ZNHIT6: variants seen among roughly 807,000 people sequenced by gnomAD.
The protein encoded by ZNHIT6 is zinc finger HIT-type containing 6.
In ZNHIT6, 45 loss-of-function variants were observed where a neutral mutation model predicts 57.2. The observed-to-expected ratio is 0.79, with a 90% CI of 0.62 to 1.01. ZNHIT6 has a LOEUF of 1.01. Among genes scored for constraint, ZNHIT6 ranks in the 50% least tolerant of loss-of-function variants. The pLI is 0.00. For synonymous variants in ZNHIT6, 188 were observed against 190.0 expected, an observed-to-expected ratio of 0.99 and a Z score of 0.09; for missense variants, 528 against 567.3, an observed-to-expected ratio of 0.93 and a Z score of 0.70.
chr1:85,657,592 TA>T (rs1022877696), intron 9 of ZNHIT6, among the ~76,000 whole-genome samples: 2 of 151,706 alleles, frequency 1.3e-5, no homozygotes, highest in East Asian at 1.9e-4. Flanking sequence ...AACCCCATGC[TA>T]AAAAAAAGTC....
At chr1:85,680,772 G>T in intron 6 of ZNHIT6, 64 bp downstream of exon 6, 2 of 1,279,002 alleles carry the variant, frequency 1.6e-6, no homozygotes, top group Non-Finnish European at 2.2e-6. Context: ...TAAGTTAACA[G>T]TTTATTTTAA....
At chr1:85,667,425 G>C (rs1661398136) in intron 8 of ZNHIT6, among the ~76,000 whole-genome samples, 1 of 151,994 alleles carries the variant, frequency 6.6e-6, no homozygotes, top group Non-Finnish European at 1.5e-5. Flanking sequence ...ACATTGTTTT[G>C]CTTAAACATA....
At chr1:85,676,866 T>A (rs746091091) in intron 8 of ZNHIT6, among the ~76,000 whole-genome samples, 1 of 151,956 alleles carries the variant, frequency 6.6e-6, no homozygotes, top group African/African-American at 2.4e-5. Flanking sequence ...ACTGAACATG[T>A]GCTGTTGGAA....
At chr1:85,655,962 C>T (rs1661047771) in intron 9 of ZNHIT6, among the ~76,000 whole-genome samples, 1 of 152,070 alleles carries the variant, frequency 6.6e-6, no homozygotes, top group Non-Finnish European at 1.5e-5. Flanking sequence ...ACACATGTAC[C>T]CCCAAATTAG....
chr1:85,669,860 C>T (rs1342180631), intron 8 of ZNHIT6, among the ~76,000 whole-genome samples: 1 of 152,088 alleles, frequency 6.6e-6, no homozygotes, highest in East Asian at 1.9e-4. Context: ...GAGGGCTAGT[C>T]TTGTAGATGT....
chr1:85,693,966 G>T (rs1409360806), intron 5 of ZNHIT6, among the ~76,000 whole-genome samples: 1 of 152,020 alleles, frequency 6.6e-6, no homozygotes, highest in East Asian at 1.9e-4. Context: ...TTTTTAAAAA[G>T]TAAAAAACAG....
rs1371942392 is a variant in ZNHIT6, at chr1:85,687,306, AAAAAAC to A, written c.1020-6408_1020-6403del. On this transcript the variant is annotated intron_variant, in intron 5 of 9. Coordinates refer to ENST00000370574, the MANE Select transcript of ZNHIT6 (RefSeq NM_017953.4). ...CAAAAAACAAAAAAAAAACAAAAAAAAAAAACAATTTAGAACCCAGTACTCAAAAAT... is the reference window on the plus strand; with the variant it reads ...CAAAAAACAAAAAAAAAACAAAAAAAAATTTAGAACCCAGTACTCAAAAAT... Among the ~76,000 whole-genome samples, 69 of 144,494 alleles carry A rather than the reference AAAAAAC, an allele frequency of 4.8e-4. 9 individuals carry two copies. Among genetic ancestry groups the A allele is most frequent in the Middle Eastern group, 3.6e-3 (1 of 280 alleles). The allele number at this position is 144,494 out of a possible 152,430, so 94.8% of individuals were successfully genotyped here. A position where few individuals can be genotyped will look rare whatever the true frequency, so the allele number is the denominator to read the frequency against.
intron 5 of ZNHIT6, among the ~76,000 whole-genome samples, chr1:85,682,233 C>T (rs1208739838): frequency 2.0e-5 from 3 of 150,096 alleles, no homozygotes; most frequent in Non-Finnish European, 4.4e-5. Flanking sequence ...ACTACGTTCG[C>T]CAGGATGGTC....
chr1:85,696,330 C>G (rs1036242197), intron 5 of ZNHIT6, among the ~76,000 whole-genome samples: 8 of 152,090 alleles, frequency 5.3e-5, no homozygotes, highest in African/African-American at 1.9e-4. Context: ...AGTGAGCTTC[C>G]TAATCTTTCA....
intron 5 of ZNHIT6, among the ~76,000 whole-genome samples, chr1:85,682,447 C>T (rs1661907996): frequency 6.6e-6 from 1 of 152,080 alleles, no homozygotes; most frequent in Admixed American, 6.5e-5. Context: ...TACTCAATCA[C>T]CCCAATTCTT....
At position 85,678,764 on chromosome 1, in the gene ZNHIT6, GT is replaced by G; in HGVS notation, c.1105del (p.Thr369LeufsTer6). ...GTAAGGTTTTAGGATTTCATTAATA[GT>G]TTTATCATCTGGTACTCTTTACAAC... The part of the protein sequence containing the change: ...YIEKRVPDDK[T>X]INEILKPYID... On this transcript the variant is annotated frameshift_variant, in exon 7 of 10. Transcript: ENST00000370574. LOFTEE classifies it high-confidence loss of function. 6.4e-7 allele frequency: 1 copy of G among 1,571,396 alleles called. No homozygotes were observed. The highest frequency in any genetic ancestry group is 8.7e-7 in the Non-Finnish European group (1 of 1,153,692).
chr1:85,695,361 C>A (rs1186867025), intron 5 of ZNHIT6, among the ~76,000 whole-genome samples: 1 of 151,736 alleles, frequency 6.6e-6, no homozygotes. Flanking sequence ...AAAAGGAGAA[C>A]AAAATGATCC....
intron 6 of ZNHIT6, 106 bp downstream of exon 6, chr1:85,680,730 C>A: frequency 2.6e-6 from 2 of 762,290 alleles, no homozygotes; most frequent in Middle Eastern, 3.0e-4. Context: ...ATAAATACAC[C>A]ACAATTTAGT....
rs1259088945 is a variant in ZNHIT6 at position 85,652,599 on chromosome 1, T to G, written c.*1459A>C. 6.6e-6 allele frequency: 1 copy of G among 152,234 alleles called. No individual in the cohort carries two copies. The highest frequency in any genetic ancestry group is 6.5e-5 in the Admixed American group (1 of 15,282). The allele number at this position is 152,234 out of a possible 1,614,324, so 9.4% of individuals were successfully genotyped here. A position where few individuals can be genotyped will look rare whatever the true frequency, so the allele number is the denominator to read the frequency against. ...TGTTTTTCGATTCTCTTCTCCAGTT[T>G]CTACCCCAAGTTATACTTGTGTCCC... On this transcript the variant is annotated 3_prime_UTR_variant, in exon 10 of 10. Transcript: ENST00000370574.
At chr1:85,684,303 T>C (rs1394105094) in intron 5 of ZNHIT6, among the ~76,000 whole-genome samples, 5 of 152,168 alleles carry the variant, frequency 3.3e-5, no homozygotes, top group Non-Finnish European at 7.3e-5. Context: ...CTGAGTCCTA[T>C]GAAACCCAAG....
chr1:85,684,829 A>G (rs1415076227), intron 5 of ZNHIT6, among the ~76,000 whole-genome samples: 2 of 152,220 alleles, frequency 1.3e-5, no homozygotes, highest in Admixed American at 6.5e-5. Context: ...TTTTGACTTC[A>G]TAACTTCAAA....
intron 4 of ZNHIT6, among the ~76,000 whole-genome samples, chr1:85,703,681 G>A (rs1184340557): frequency 6.6e-6 from 1 of 152,138 alleles, no homozygotes; most frequent in African/African-American, 2.4e-5. Context: ...AAAGCTTTTA[G>A]GCAATAACTA....
chr1:85,692,664 C>T (rs1214333346), intron 5 of ZNHIT6, among the ~76,000 whole-genome samples: 3 of 151,448 alleles, frequency 2.0e-5, no homozygotes, highest in Non-Finnish European at 4.4e-5. Flanking sequence ...TTTTCTAAAG[C>T]CAATTTGCAG....
intron 5 of ZNHIT6, among the ~76,000 whole-genome samples, chr1:85,693,756 C>T (rs765137115): frequency 1.7e-4 from 26 of 152,088 alleles, no homozygotes; most frequent in Non-Finnish European, 3.5e-4. Flanking sequence ...GAGAAGTCAA[C>T]GGAATATATA....
Sources: allele counts gnomAD v4.1 joint callset (sites outside exome capture counted in the v4.1 genomes callset), GRCh38; gene constraint gnomAD v4.1.1; transcripts MANE v1.5; gene names NCBI Gene and HGNC (gene_info 2026-07-23, HGNC 2026-07-21).